PTK2: variants seen among roughly 807,000 people sequenced by gnomAD.
PTK2 encodes protein tyrosine kinase 2, also known as focal adhesion kinase 1.
PTK2 carries 45 observed loss-of-function variants against 150.1 expected under a neutral mutation model. That is an observed-to-expected ratio of 0.30 (90% CI 0.24 to 0.38). The LOEUF (loss-of-function observed/expected upper bound fraction) is 0.38. Ranked by LOEUF, PTK2 falls within the 10% of genes least tolerant of loss-of-function variation. PTK2 has a pLI of 1.00. For missense variants in PTK2, 919 were observed against 1,307.3 expected, an observed-to-expected ratio of 0.70 and a Z score of 4.58; for synonymous variants, 432 against 449.2, an observed-to-expected ratio of 0.96 and a Z score of 0.48.
intron 5 of PTK2, among the ~76,000 whole-genome samples, chr8:140,854,244 A>G (rs2100131159): frequency 6.6e-6 from 1 of 152,208 alleles, no homozygotes; most frequent in Non-Finnish European, 1.5e-5. Context: ...GTAGGAGTAA[A>G]CAATGACAAA....
exon 21 of PTK2, chr8:140,739,061 G>T: frequency 6.3e-7 from 1 of 1,577,776 alleles, no homozygotes; most frequent in South Asian, 1.2e-5. Flanking sequence ...GTCGAAAATT[G>T]ATTGACTCTG....
At chr8:140,793,408 G>A in intron 12 of PTK2, 24 bp from the exon 13 acceptor site, 2 of 1,607,910 alleles carry the variant, frequency 1.2e-6, no homozygotes, top group Non-Finnish European at 1.7e-6. Flanking sequence ...GAAAAGAGAT[G>A]CATAAGGCTC....
chr8:140,875,336 A>AATTTT (rs1379056112), intron 4 of PTK2, among the ~76,000 whole-genome samples: 1 of 152,240 alleles, frequency 6.6e-6, no homozygotes, highest in Non-Finnish European at 1.5e-5. Context: ...ATTATTCAAC[A>AATTTT]ATTAAAAAGT....
At chr8:140,694,896 C>T (rs1485044360) in intron 26 of PTK2, among the ~76,000 whole-genome samples, 4 of 152,204 alleles carry the variant, frequency 2.6e-5, no homozygotes, top group East Asian at 1.9e-4. Flanking sequence ...CTTCTACAAC[C>T]GACACACACT....
Position 140,935,668 on chromosome 8 carries a change from G to A in PTK2, c.-121-9919C>T, listed in dbSNP as rs562481209. Reference sequence around the variant, plus strand: ...ATGAAAGTTTTTTTCCTAATGCGCTGTTCATGTAATCTCAATGCTCAGTAT... The same window carrying A: ...ATGAAAGTTTTTTTCCTAATGCGCTATTCATGTAATCTCAATGCTCAGTAT... On this transcript the variant is annotated intron_variant, in intron 1 of 31. Coordinates refer to ENST00000522684, the Ensembl canonical transcript of PTK2. Among the ~76,000 whole-genome samples the A allele has an allele frequency of 1.8e-4, 26 of 146,334 alleles. No homozygotes were observed. The East Asian group carries it at 4.3e-3, about 24-fold the overall frequency.
intron 13 of PTK2, among the ~76,000 whole-genome samples, chr8:140,790,918 A>G (rs1055559491): frequency 6.6e-6 from 1 of 152,186 alleles, no homozygotes; most frequent in Non-Finnish European, 1.5e-5. Flanking sequence ...TTGTGCTGCC[A>G]AAACACTGGG....
chr8:140,681,140 G>A (rs1391669382), intron 27 of PTK2, among the ~76,000 whole-genome samples: 3 of 148,840 alleles, frequency 2.0e-5, no homozygotes, highest in African/African-American at 7.4e-5. Context: ...CAAGGCGAGT[G>A]GATCACTGGA....
intron 16 of PTK2, among the ~76,000 whole-genome samples, chr8:140,757,801 T>C (rs1261498721): frequency 6.6e-6 from 1 of 152,218 alleles, no homozygotes; most frequent in African/African-American, 2.4e-5. Flanking sequence ...TGGTCAATGA[T>C]GGACCACATA....
intron 2 of PTK2, among the ~76,000 whole-genome samples, chr8:140,894,476 A>G (rs1038238683): frequency 6.6e-6 from 1 of 152,234 alleles, no homozygotes; most frequent in African/African-American, 2.4e-5. Flanking sequence ...AAACACCTAA[A>G]TGCCCATTCA....
intron 18 of PTK2, among the ~76,000 whole-genome samples, chr8:140,746,153 GA>G: frequency 6.6e-6 from 1 of 152,278 alleles, no homozygotes; most frequent in South Asian, 2.1e-4. Context: ...GCAACATAGT[GA>G]AACCCCGTCT....
In PTK2 at chr8:140,998,084, C is replaced by T. The variant is rs543591013; in HGVS notation, c.-122+3041G>A. ...AGAAACAGACCAAGATATGCCTATACTACAGGAACTAAACTTCTCAGATGT... is the reference window on the plus strand; with the variant it reads ...AGAAACAGACCAAGATATGCCTATATTACAGGAACTAAACTTCTCAGATGT... On this transcript the variant is annotated intron_variant, in intron 1 of 31. Transcript: ENST00000522684. 3.7e-4 allele frequency among the ~76,000 whole-genome samples: 56 copies of T among 152,276 alleles called. 1 individual carries two copies. In the South Asian group the frequency reaches 0.011, roughly 30 times the overall value.
chr8:140,766,830 C>T (rs1354102111), intron 14 of PTK2, among the ~76,000 whole-genome samples: 4 of 152,222 alleles, frequency 2.6e-5, no homozygotes, highest in Non-Finnish European at 5.9e-5. Flanking sequence ...AGTCACTTCA[C>T]CTGGCAATGC....
At chr8:140,889,665 C>T (rs1011896035) in intron 3 of PTK2, among the ~76,000 whole-genome samples, 3 of 151,016 alleles carry the variant, frequency 2.0e-5, no homozygotes, top group African/African-American at 4.9e-5. Flanking sequence ...AGAAAAAAGA[C>T]GTATCTAAAC....
At chr8:140,878,581 G>A (rs1454892845) in intron 4 of PTK2, among the ~76,000 whole-genome samples, 2 of 151,570 alleles carry the variant, frequency 1.3e-5, no homozygotes, top group East Asian at 1.9e-4. Flanking sequence ...GTGACAGGGC[G>A]AGACTCTGTC....
At chr8:140,820,098 TTTTTTTTTTTTTTTTTTTTTA>T (rs1416470500) in intron 8 of PTK2, among the ~76,000 whole-genome samples, 256 of 91,868 alleles carry the variant, frequency 2.8e-3, no homozygotes, top group South Asian at 3.5e-3. Flanking sequence ...TTTTTTTTTT[TTTTTTTTTTTTTTTTTTTTTA>T]AATAGGGTCT....
At chr8:140,704,843 G>A (rs2100032762) in intron 24 of PTK2, among the ~76,000 whole-genome samples, 1 of 152,028 alleles carries the variant, frequency 6.6e-6, no homozygotes, top group South Asian at 2.1e-4. Flanking sequence ...CTCCTTCCAT[G>A]AGAAAAAAGA....
At chr8:140,825,935 C>T (rs952159246) in intron 8 of PTK2, among the ~76,000 whole-genome samples, 3 of 152,196 alleles carry the variant, frequency 2.0e-5, no homozygotes, top group Non-Finnish European at 2.9e-5. Flanking sequence ...AATTAAAATA[C>T]TTGCAAATTA....
intron 7 of PTK2, among the ~76,000 whole-genome samples, chr8:140,844,996 A>C (rs1419315472): frequency 1.3e-5 from 2 of 152,040 alleles, no homozygotes; most frequent in African/African-American, 4.8e-5. Context: ...CCCTGTCCCT[A>C]ATTCAAATGT....
At chr8:140,826,932 A>G in intron 8 of PTK2, among the ~76,000 whole-genome samples, 1 of 152,076 alleles carries the variant, frequency 6.6e-6, no homozygotes, top group East Asian at 1.9e-4. Context: ...AAAAAGGAAA[A>G]GAAGTTTTCT....
Sources: allele counts gnomAD v4.1 joint callset (sites outside exome capture counted in the v4.1 genomes callset), GRCh38; gene constraint gnomAD v4.1.1; transcripts MANE v1.5; gene names NCBI Gene and HGNC (gene_info 2026-07-23, HGNC 2026-07-21).